GPC5: variants seen among roughly 807,000 people sequenced by gnomAD.
GPC5 encodes the protein glypican 5.
A neutral mutation model predicts 53.9 loss-of-function variants in GPC5; 47 were observed. The ratio of observed to expected loss-of-function variants is 0.87; its 90% CI spans 0.69 to 1.11. The LOEUF (loss-of-function observed/expected upper bound fraction) is 1.11. Ranked by LOEUF, GPC5 falls within the 50% of genes most tolerant of loss-of-function variation. The pLI, the probability that GPC5 is intolerant of heterozygous loss-of-function variation, is 0.00. For missense variants in GPC5, 748 were observed against 713.1 expected (o/e 1.05, Z -0.56); for synonymous variants, 286 against 263.3 (o/e 1.09, Z -0.84).
chr13:91,911,309 C>T (rs1452433884), intron 6 of GPC5, among the ~76,000 whole-genome samples: 10 of 152,040 alleles, frequency 6.6e-5, no homozygotes, highest in East Asian at 1.9e-4. Flanking sequence ...TTTGGGAGGC[C>T]GAGGAGGGTG....
At chr13:92,404,280 T>C (rs1372980568) in intron 7 of GPC5, among the ~76,000 whole-genome samples, 3 of 152,196 alleles carry the variant, frequency 2.0e-5, no homozygotes, top group Non-Finnish European at 4.4e-5. Flanking sequence ...CAGTTGAAGA[T>C]AAATGTGTTG....
chr13:92,122,009 A>C (rs1594771758), intron 6 of GPC5, among the ~76,000 whole-genome samples: 1 of 152,230 alleles, frequency 6.6e-6, no homozygotes, highest in African/African-American at 2.4e-5. Context: ...GCTAGAAGCA[A>C]CTTGCGACAA....
chr13:92,601,037 C>T (rs1281888825), intron 7 of GPC5, among the ~76,000 whole-genome samples: 2 of 152,146 alleles, frequency 1.3e-5, no homozygotes, highest in African/African-American at 2.4e-5. Flanking sequence ...TCTATCCCAA[C>T]CACTTAAATG....
intron 5 of GPC5, among the ~76,000 whole-genome samples, chr13:91,898,571 A>G (rs1213717857): frequency 2.6e-5 from 4 of 152,170 alleles, no homozygotes; most frequent in Non-Finnish European, 5.9e-5. Context: ...GTACAAAATG[A>G]TGAAATAAAC....
At chr13:91,620,191 G>A (rs2033815061) in intron 2 of GPC5, among the ~76,000 whole-genome samples, 1 of 152,068 alleles carries the variant, frequency 6.6e-6, no homozygotes, top group East Asian at 1.9e-4. Flanking sequence ...CTTCTTCTGT[G>A]TCTAAAATCA....
intron 6 of GPC5, among the ~76,000 whole-genome samples, chr13:91,985,796 G>A (rs900075655): frequency 6.6e-6 from 1 of 151,910 alleles, no homozygotes; most frequent in African/African-American, 2.4e-5. Context: ...ACCCTACAGG[G>A]GAAGCACAGC....
At chr13:91,593,610 G>T (rs1018104164) in intron 2 of GPC5, among the ~76,000 whole-genome samples, 19 of 152,050 alleles carry the variant, frequency 1.2e-4, no homozygotes, top group Admixed American at 3.9e-4. Context: ...GGGCATGGCT[G>T]CCTCATAACC....
intron 6 of GPC5, among the ~76,000 whole-genome samples, chr13:92,097,385 G>C (rs918233268): frequency 1.2e-4 from 18 of 152,144 alleles, no homozygotes; most frequent in Non-Finnish European, 8.8e-5. Flanking sequence ...CATCTATATT[G>C]CAAAAGACAT....
At chr13:91,779,050 G>C (rs1471094845) in intron 5 of GPC5, among the ~76,000 whole-genome samples, 1 of 152,194 alleles carries the variant, frequency 6.6e-6, no homozygotes, top group Admixed American at 6.5e-5. Context: ...TTCCTGTATA[G>C]CATGGAGCTT....
intron 2 of GPC5, among the ~76,000 whole-genome samples, chr13:91,555,568 T>C (rs2030896816): frequency 6.6e-6 from 1 of 152,098 alleles, no homozygotes; most frequent in South Asian, 2.1e-4. Flanking sequence ...TGTCAACCTC[T>C]TTCTTTGGCC....
intron 7 of GPC5, among the ~76,000 whole-genome samples, chr13:92,335,277 G>C (rs1196242770): frequency 1.3e-5 from 2 of 152,092 alleles, no homozygotes; most frequent in African/African-American, 4.8e-5. Context: ...CCAAGGCTTG[G>C]GGCTTGAACC....
At chr13:92,059,554 A>G (rs1475801833) in intron 6 of GPC5, among the ~76,000 whole-genome samples, 2 of 152,002 alleles carry the variant, frequency 1.3e-5, no homozygotes, top group African/African-American at 4.8e-5. Flanking sequence ...TAATCTTTTA[A>G]ATTCACTCAA....
At chr13:91,689,199 A>G (rs1054593053) in intron 2 of GPC5, among the ~76,000 whole-genome samples, 6 of 104,600 alleles carry the variant, frequency 5.7e-5, no homozygotes, top group African/African-American at 2.8e-4. Flanking sequence ...ATATATATAT[A>G]TATATATATA....
Position 91,577,414 on chromosome 13 carries a change from T to A in GPC5, c.326-115773T>A, listed in dbSNP as rs542871298. Among the ~76,000 whole-genome samples, 16 of 152,314 alleles carry A rather than the reference T, an allele frequency of 1.1e-4. No individual in the cohort carries two copies. The South Asian group carries it at 3.1e-3, about 30-fold the overall frequency. On this transcript the variant is annotated intron_variant, in intron 2 of 7. Coordinates refer to ENST00000377067, the MANE Select transcript of GPC5 (RefSeq NM_004466.6). ...TTTCTACCTTCCAGAGACTCAGTAATGCCTTGGCTACTTTGGAAAGAAGTC... is the reference window on the plus strand; with the variant it reads ...TTTCTACCTTCCAGAGACTCAGTAAAGCCTTGGCTACTTTGGAAAGAAGTC...
chr13:91,572,087 GTACATGTGTGTGTATATACA>G, intron 2 of GPC5, among the ~76,000 whole-genome samples: 1 of 116,370 alleles, frequency 8.6e-6, no homozygotes. Context: ...ATATGTATAT[GTACATGTGTGTGTATATACA>G]CACATGTATA....
At chr13:91,892,630 T>C (rs2039399498) in intron 5 of GPC5, among the ~76,000 whole-genome samples, 1 of 151,734 alleles carries the variant, frequency 6.6e-6, no homozygotes, top group Non-Finnish European at 1.5e-5. Context: ...ATAAAAATTA[T>C]TATATAATTT....
chr13:92,045,376 A>T (rs202182897), intron 6 of GPC5, among the ~76,000 whole-genome samples: 5 of 152,216 alleles, frequency 3.3e-5, no homozygotes, highest in Non-Finnish European at 7.3e-5. Context: ...CAGACTCATT[A>T]TATCACTATC....
intron 2 of GPC5, among the ~76,000 whole-genome samples, chr13:91,537,495 AC>A (rs1469102053): frequency 6.6e-6 from 1 of 152,178 alleles, no homozygotes; most frequent in Non-Finnish European, 1.5e-5. Flanking sequence ...ATCCGAATAG[AC>A]CTAGAACAAG....
intron 7 of GPC5, among the ~76,000 whole-genome samples, chr13:92,857,756 A>G (rs1379620034): frequency 1.3e-5 from 2 of 152,202 alleles, no homozygotes; most frequent in Admixed American, 6.5e-5. Flanking sequence ...AATGCAAATC[A>G]AAATCACAAT....
Sources: allele counts gnomAD v4.1 joint callset (sites outside exome capture counted in the v4.1 genomes callset), GRCh38; gene constraint gnomAD v4.1.1; transcripts MANE v1.5; gene names NCBI Gene and HGNC (gene_info 2026-07-23, HGNC 2026-07-21).